The following LNPEP variants were observed in gnomAD, a reference collection of about 807,000 sequenced individuals.
The protein encoded by LNPEP is leucyl and cystinyl aminopeptidase.
A neutral mutation model predicts 120.6 loss-of-function variants in LNPEP; 64 were observed. The observed-to-expected ratio is 0.53, with a 90% confidence interval of 0.43 to 0.65. The LOEUF (loss-of-function observed/expected upper bound fraction) is 0.65. Among genes scored for constraint, LNPEP ranks in the 30% least tolerant of loss-of-function variants. The pLI, the probability that LNPEP is intolerant of heterozygous loss-of-function variation, is 0.00. For synonymous variants in LNPEP, 435 were observed against 425.4 expected (o/e 1.02, Z -0.28); for missense variants, 1,057 against 1,200.0 (o/e 0.88, Z 1.76).
At chr5:96,954,651 TATATACACATATATACATATATACAC>T (rs1370992429) in intron 1 of LNPEP, among the ~76,000 whole-genome samples, 2 of 115,338 alleles carry the variant, frequency 1.7e-5, no homozygotes, top group African/African-American at 8.0e-5. Context: ...CATATATACA[TATATACACATATATACATATATACAC>T]ATATATACAT....
At chr5:96,948,090 C>A (rs1022229239) in intron 1 of LNPEP, among the ~76,000 whole-genome samples, 4 of 151,572 alleles carry the variant, frequency 2.6e-5, no homozygotes, top group African/African-American at 9.7e-5. Flanking sequence ...CGGGAAGAAG[C>A]ATAGTGTAAA....
intron 1 of LNPEP, chr5:96,958,780 A>C (rs1280392112): frequency 2.0e-5 from 3 of 149,350 alleles, no homozygotes; most frequent in African/African-American, 4.9e-5. Flanking sequence ...ACCAAAGGTA[A>C]GTCATGTCCT....
At chr5:97,016,924 A>T (rs1228628285) in intron 13 of LNPEP, among the ~76,000 whole-genome samples, 1 of 152,122 alleles carries the variant, frequency 6.6e-6, no homozygotes, top group Non-Finnish European at 1.5e-5. Flanking sequence ...CATTTGCGTT[A>T]TTTGTAGTTT....
chr5:97,004,168 A>C (rs1474172179), intron 9 of LNPEP, among the ~76,000 whole-genome samples: 1 of 152,210 alleles, frequency 6.6e-6, no homozygotes, highest in Non-Finnish European at 1.5e-5. Context: ...AACCCTTATA[A>C]GCATTTGTGT....
chr5:96,972,076 TAAA>T (rs959504315), intron 1 of LNPEP, among the ~76,000 whole-genome samples: 1 of 151,974 alleles, frequency 6.6e-6, no homozygotes, highest in African/African-American at 2.4e-5. Context: ...GATGCTGAAT[TAAA>T]AAAAACTCTG....
At chr5:96,951,274 CG>C (rs1466068338) in intron 1 of LNPEP, among the ~76,000 whole-genome samples, 1 of 148,194 alleles carries the variant, frequency 6.7e-6, no homozygotes, top group African/African-American at 2.5e-5. Context: ...GCGGGGGGCG[CG>C]GGGGACAGAG....
Position 97,037,331 on chromosome 5 carries a change from A to G in LNPEP, c.*8798A>G, listed in dbSNP as rs942174857. 5.9e-5 allele frequency: 9 copies of G among 152,156 alleles called. No individual in the cohort carries two copies. Among genetic ancestry groups the G allele is most frequent in the Non-Finnish European group, 1.3e-4 (9 of 68,030 alleles). The allele number at this position is 152,156 out of a possible 1,614,324, so 9.4% of individuals were successfully genotyped here. A position where few individuals can be genotyped will look rare whatever the true frequency, so the allele number is the denominator to read the frequency against. On this transcript the variant is annotated 3_prime_UTR_variant, in exon 18 of 18. Transcript: ENST00000231368. ...CTGTCTTTTGTGAAACATTTTGAAAATATGTATATATAATATTGTATATGC... is the reference window on the plus strand; with the variant it reads ...CTGTCTTTTGTGAAACATTTTGAAAGTATGTATATATAATATTGTATATGC...
intron 13 of LNPEP, among the ~76,000 whole-genome samples, chr5:97,019,361 C>G (rs1791136239): frequency 6.6e-6 from 1 of 151,992 alleles, no homozygotes; most frequent in South Asian, 2.1e-4. Flanking sequence ...TAATTTGAAG[C>G]ACATGCTATG....
chr5:96,987,735 C>T (rs1361054324), intron 4 of LNPEP, among the ~76,000 whole-genome samples: 6 of 152,176 alleles, frequency 3.9e-5, no homozygotes, highest in South Asian at 2.1e-4. Context: ...TAATGGTTCA[C>T]TCACCTTTGG....
chr5:97,003,560 G>A lies in LNPEP; in HGVS notation c.1785+14G>A, dbSNP rs535911456. On this transcript the variant is annotated intron_variant, in intron 9 of 17. Coordinates refer to ENST00000231368, the MANE Select transcript of LNPEP (RefSeq NM_005575.3). The stretch of plus-strand genomic sequence containing the variant: ...AGTTTTAATGAGGTAAGTGACCTGG[G>A]TAATTTATTTAGCTCTTACTGTAAA... 1 of 1,561,000 alleles carries A rather than the reference G, an allele frequency of 6.4e-7. No homozygotes were observed. Among genetic ancestry groups the A allele is most frequent in the Non-Finnish European group, 8.7e-7 (1 of 1,151,538 alleles).
In LNPEP at chr5:97,029,648, G is replaced by A. The variant is rs191350712; in HGVS notation, c.*1115G>A. ...AAGGAACAAAGAGAATGTGGGATAG[G>A]AGTAACTTGAATTCGTGTTTAGTAT... On this transcript the variant is annotated 3_prime_UTR_variant, in exon 18 of 18. Transcript: ENST00000231368. 3.9e-4 allele frequency: 59 copies of A among 152,302 alleles called. No homozygotes were observed. The highest frequency in any genetic ancestry group is 1.3e-3 in the African/African-American group (56 of 41,562). The allele number at this position is 152,302 out of a possible 1,614,324, so 9.4% of individuals were successfully genotyped here.
chr5:96,998,300 G>A (rs1041778748), intron 8 of LNPEP, among the ~76,000 whole-genome samples, 155 bp downstream of exon 8: 2 of 152,116 alleles, frequency 1.3e-5, no homozygotes, highest in African/African-American at 4.8e-5. Flanking sequence ...ATAAATCTTG[G>A]TCATAACTTT....
At chr5:97,026,099 G>T (rs1056863260) in intron 15 of LNPEP, among the ~76,000 whole-genome samples, 6 of 152,120 alleles carry the variant, frequency 3.9e-5, no homozygotes, top group African/African-American at 1.4e-4. Context: ...GAGTTAGGTA[G>T]TATTAATAAA....
chr5:96,977,417 T>A (rs1790023393), intron 1 of LNPEP, among the ~76,000 whole-genome samples: 2 of 152,036 alleles, frequency 1.3e-5, no homozygotes, highest in Non-Finnish European at 2.9e-5. Flanking sequence ...CTCAAAATAG[T>A]AAGCAGTTTG....
chr5:96,988,372 C>T (rs1163893827), intron 4 of LNPEP, among the ~76,000 whole-genome samples: 1 of 138,876 alleles, frequency 7.2e-6, no homozygotes, highest in African/African-American at 2.7e-5. Flanking sequence ...GAGTCTCGCA[C>T]TGTCGCCTGG....
At chr5:96,994,058 C>CT (rs879080523) in intron 6 of LNPEP, 87 bp downstream of exon 6, 22,300 of 825,650 alleles carry the variant, frequency 0.027, no homozygotes, top group South Asian at 0.036. Context: ...GCTAATAATT[C>CT]TTTTTTTTTT....
chr5:96,936,194 G>T lies in LNPEP; in HGVS notation c.19+20G>T. ...CCAATGGTGAGTGGGCTGCCGAGGC[G>T]CCGGGACCCGGGCTCTCCGGAGCCC... On this transcript the variant is annotated intron_variant, in intron 1 of 17. Transcript: ENST00000231368. 7.0e-7 allele frequency: 1 copy of T among 1,435,584 alleles called. No homozygotes were observed. The highest frequency in any genetic ancestry group is 1.4e-5 in the South Asian group (1 of 69,880). The allele number at this position is 1,435,584 out of a possible 1,614,324, so 88.9% of individuals were successfully genotyped here. A position where few individuals can be genotyped will look rare whatever the true frequency, so the allele number is the denominator to read the frequency against.
At chr5:96,957,129 A>G (rs1021538739) in intron 1 of LNPEP, among the ~76,000 whole-genome samples, 6 of 152,100 alleles carry the variant, frequency 3.9e-5, no homozygotes, top group African/African-American at 1.4e-4. Flanking sequence ...TGCGTTTTCC[A>G]TTGAGGATTG....
At chr5:96,966,039 G>T (rs1345177728) in intron 1 of LNPEP, among the ~76,000 whole-genome samples, 1 of 152,084 alleles carries the variant, frequency 6.6e-6, no homozygotes, top group Non-Finnish European at 1.5e-5. Flanking sequence ...CAACTAAAAT[G>T]TTCTCCTGGA....
Sources: gnomAD v4.1 joint callset for allele counts (sites outside exome capture counted in the v4.1 genomes callset) on GRCh38, gnomAD v4.1.1 for gene constraint, MANE v1.5 for transcripts, NCBI Gene and HGNC (gene_info 2026-07-23, HGNC 2026-07-21) for gene names.